The following PRRC2B variants were observed in gnomAD, a reference collection of about 807,000 sequenced individuals.
PRRC2B encodes protein PRRC2B.
Under a neutral mutation model 242.3 loss-of-function variants are expected in PRRC2B, and 68 were observed. The ratio of observed to expected loss-of-function variants is 0.28; its 90% CI spans 0.23 to 0.34. The LOEUF is 0.34. Ranked by LOEUF, PRRC2B falls within the 10% of genes least tolerant of loss-of-function variation. The pLI is 1.00. For missense variants in PRRC2B, 2,835 were observed against 2,954.8 expected (o/e 0.96, Z 0.94); for synonymous variants, 1,228 against 1,173.6 (o/e 1.05, Z -0.95).
rs1213923253 is a variant in PRRC2B at position 131,473,545 on chromosome 9, T to C, written c.2145T>C (p.Asn715=). Residue 715 remains asparagine (N), a synonymous_variant, in exon 15 of 32, where the codon AAT becomes AAC. Coordinates refer to ENST00000683519, the MANE Select transcript of PRRC2B (RefSeq NM_013318.4). ...CCATGATGCCCCAGGAGTCCCTCAA[T>C]GGGACAGGCTGTCGCTCTGAGGATC... ...MKPMMPQESL[N]GTGCRSEDQN... is the part of the protein sequence containing the mutation. The C allele has an allele frequency of 2.6e-5, 42 of 1,608,904 alleles. No homozygotes were observed. Among genetic ancestry groups the C allele is most frequent in the Non-Finnish European group, 3.4e-5 (40 of 1,177,742 alleles).
Position 131,385,532 on chromosome 9 carries a change from G to A in PRRC2B, c.-56+11801G>A, listed in dbSNP as rs1158751535. On this transcript the variant is annotated intron_variant, in intron 1 of 1. Coordinates refer to the PRRC2B transcript ENST00000682525. ...TGCTGGATTCTTCTAGTCCTGGCTC[G>A]GCTACCCATGTCATTTGTGTCCTTG... is the stretch of plus-strand genomic sequence containing the variant. Among the ~76,000 whole-genome samples, 8 of 150,248 alleles carry A rather than the reference G, an allele frequency of 5.3e-5. 1 individual carries two copies. Among genetic ancestry groups the A allele is most frequent in the Admixed American group, 2.8e-4 (4 of 14,452 alleles).
At chr9:131,409,663 C>T (rs538207845) in intron 1 of PRRC2B, among the ~76,000 whole-genome samples, 6 of 152,308 alleles carry the variant, frequency 3.9e-5, no homozygotes, top group South Asian at 2.1e-4. Flanking sequence ...TCAAACTTAC[C>T]GTGAGGTAAG....
Position 131,476,043 on chromosome 9 carries a change from C to T in PRRC2B, c.3914C>T (p.Pro1305Leu), listed in dbSNP as rs887859632. Reference sequence around the variant, plus strand: ...CGGCCCTTCAGGAGAAGGCGCCCCCCACGCCAAGATAAGCCCCCTCGATTC... The same window carrying T: ...CGGCCCTTCAGGAGAAGGCGCCCCCTACGCCAAGATAAGCCCCCTCGATTC... ...ENRPFRRRRPPRQDKPPRFRR... is the reference protein window; with the variant it reads ...ENRPFRRRRPLRQDKPPRFRR... The change falls in exon 16 of 32, where the codon CCA (proline) becomes CTA (leucine). Residue 1305 changes from proline to leucine, a missense_variant. By Grantham distance (98) the Pro-to-Leu change is moderately conservative. Transcript: ENST00000683519. The T allele has an allele frequency of 1.2e-6, 2 of 1,606,116 alleles. No homozygotes were observed. The highest frequency in any genetic ancestry group is 8.5e-7 in the Non-Finnish European group (1 of 1,174,724).
At chr9:131,400,778 T>G (rs1321529235) in intron 1 of PRRC2B, among the ~76,000 whole-genome samples, 1 of 152,090 alleles carries the variant, frequency 6.6e-6, no homozygotes, top group Non-Finnish European at 1.5e-5. Context: ...CTTTGATGAG[T>G]GGGGCTTGAG....
At chr9:131,478,234 A>G (rs1230732555) in intron 17 of PRRC2B, among the ~76,000 whole-genome samples, 2 of 152,058 alleles carry the variant, frequency 1.3e-5, no homozygotes, top group Non-Finnish European at 2.9e-5. Flanking sequence ...CCGAGGTCAC[A>G]CACAGCTGTA....
chr9:131,379,635 T>TG (rs1836729940), intron 1 of PRRC2B, among the ~76,000 whole-genome samples: 1 of 151,256 alleles, frequency 6.6e-6, no homozygotes, highest in Admixed American at 6.6e-5. Flanking sequence ...TTTTTTTTTT[T>TG]TTTTTTTGGA....
intron 1 of PRRC2B, among the ~76,000 whole-genome samples, chr9:131,411,380 T>C (rs1198615528): frequency 6.7e-6 from 1 of 149,452 alleles, no homozygotes; most frequent in African/African-American, 2.5e-5. Context: ...GGAGTCTTGC[T>C]CTGTTGCCCA....
At chr9:131,435,810 G>A (rs1838346827) in intron 3 of PRRC2B, among the ~76,000 whole-genome samples, 1 of 152,182 alleles carries the variant, frequency 6.6e-6, no homozygotes, top group Non-Finnish European at 1.5e-5. Flanking sequence ...AAAAGTCATA[G>A]AGCTTTATGT....
rs1196921839 is a variant in PRRC2B at position 131,432,786 on chromosome 9, C to T, written c.285C>T (p.Asp95=). The change falls in exon 3 of 32, where the codon GAC becomes GAT. Residue 95 remains aspartate, a synonymous_variant. Coordinates refer to ENST00000683519, the MANE Select transcript of PRRC2B (RefSeq NM_013318.4). ...TGWANKQDQQ[D]PKSSSATASQ... is the part of the protein sequence containing the mutation. The stretch of plus-strand genomic sequence containing the variant: ...GGGCAAACAAGCAGGATCAGCAAGA[C>T]CCAAAGAGGTAAACGGAGGAGGCGG... 6.2e-7 allele frequency: 1 copy of T among 1,613,952 alleles called. No individual in the cohort carries two copies.
intron 1 of PRRC2B, among the ~76,000 whole-genome samples, chr9:131,417,999 A>G (rs987257750): frequency 6.6e-6 from 1 of 152,204 alleles, no homozygotes; most frequent in Non-Finnish European, 1.5e-5. Context: ...GGTCATTGGC[A>G]CAACCTTCTT....
intron 8 of PRRC2B, 91 bp downstream of exon 8, chr9:131,447,297 T>A: frequency 6.7e-7 from 1 of 1,503,324 alleles, no homozygotes; most frequent in Non-Finnish European, 9.1e-7. Context: ...AAGTGCTGTG[T>A]CTCCTGGAGA....
intron 1 of PRRC2B, chr9:131,373,811 G>C (rs974330611): frequency 2.6e-5 from 4 of 152,250 alleles, no homozygotes; most frequent in African/African-American, 9.6e-5. Flanking sequence ...TGTAATCCCA[G>C]CACTTTGGGA....
At chr9:131,458,489 C>T (rs1409515124) in intron 10 of PRRC2B, among the ~76,000 whole-genome samples, 1 of 133,524 alleles carries the variant, frequency 7.5e-6, no homozygotes, top group Non-Finnish European at 1.6e-5. Flanking sequence ...AAAAATACCT[C>T]ATAATGTGTT....
chr9:131,430,337 G>A (rs1212900813), intron 2 of PRRC2B, 78 bp downstream of exon 2: 3 of 858,398 alleles, frequency 3.5e-6, no homozygotes, highest in South Asian at 3.0e-5. Flanking sequence ...TCCCTCACCT[G>A]GTTAGACAGA....
chr9:131,431,247 C>G (rs1279220354), intron 2 of PRRC2B, among the ~76,000 whole-genome samples: 1 of 152,150 alleles, frequency 6.6e-6, no homozygotes, highest in Non-Finnish European at 1.5e-5. Context: ...TCTCCTGCCT[C>G]AGCCTCCCAA....
chr9:131,380,645 G>T (rs1158773594), intron 1 of PRRC2B, among the ~76,000 whole-genome samples: 1 of 151,810 alleles, frequency 6.6e-6, no homozygotes, highest in African/African-American at 2.4e-5. Flanking sequence ...TTTGGAGGCT[G>T]AGGCGGGAGA....
At position 131,467,578 on chromosome 9, in the gene PRRC2B, C is replaced by T; in HGVS notation, c.1736C>T (p.Pro579Leu). 1.2e-6 allele frequency: 2 copies of T among 1,607,906 alleles called. No individual in the cohort carries two copies. Among genetic ancestry groups the T allele is most frequent in the Non-Finnish European group, 1.7e-6 (2 of 1,176,982 alleles). ...PAVHKGSPEF[P>L]AQETPTTFPE... ...TATTCTCTAGGCTCCCCAGAATTCC[C>T]TGCCCAAGAGACCCCCACCACATTC... The change falls in exon 13 of 32, where the codon CCT becomes CTT. Residue 579 changes from proline (P) to leucine (L), a missense_variant. This residue lies in a region of PRRC2B where 1,536 missense variants were observed against 1,483.1 expected (regional missense o/e 1.04). Transcript: ENST00000683519.
chr9:131,453,279 T>G (rs1372506137), intron 9 of PRRC2B, among the ~76,000 whole-genome samples: 1 of 152,242 alleles, frequency 6.6e-6, no homozygotes, highest in South Asian at 2.1e-4. Flanking sequence ...AGCTCCTTTA[T>G]GTTTGTATTT....
Position 131,397,137 on chromosome 9 carries a change from C to T in PRRC2B, c.-52+2874C>T, listed in dbSNP as rs1837082973. 2.6e-5 allele frequency among the ~76,000 whole-genome samples: 4 copies of T among 152,198 alleles called. No individual in the cohort carries two copies. The South Asian group carries it at 8.3e-4, about 31-fold the overall frequency. ...TCCTTTTTGTCTGACTTCACTCGGG[C>T]CCAGTCTGGCTCTATACTGTTAACT... On this transcript the variant is annotated intron_variant, in intron 1 of 31. Transcript: ENST00000683519.
Sources: gnomAD v4.1 joint callset for allele counts (sites outside exome capture counted in the v4.1 genomes callset) on GRCh38, gnomAD v4.1.1 for gene constraint, gnomAD v4.1.1 regional missense constraint, MANE v1.5 for transcripts, NCBI Gene and HGNC (gene_info 2026-07-23, HGNC 2026-07-21) for gene names.